Variants in ZC3HAV1 observed in about 807,000 individuals in gnomAD.
The protein encoded by ZC3HAV1 is zinc finger CCCH-type antiviral protein 1.
ZC3HAV1 carries 41 observed loss-of-function variants against 86.6 expected under a neutral mutation model. That is an observed-to-expected ratio of 0.47 (90% CI 0.37 to 0.61). ZC3HAV1 has a LOEUF of 0.61. Ranked by LOEUF, ZC3HAV1 falls within the 20% of genes least tolerant of loss-of-function variation. ZC3HAV1 has a pLI of 0.00. For missense variants in ZC3HAV1, 964 were observed against 1,141.1 expected, an observed-to-expected ratio of 0.84 and a Z score of 2.24; for synonymous variants, 421 against 432.1, an observed-to-expected ratio of 0.97 and a Z score of 0.32.
intron 2 of ZC3HAV1, among the ~76,000 whole-genome samples, chr7:139,084,873 C>A (rs1006512288): frequency 6.6e-6 from 1 of 152,188 alleles, no homozygotes; most frequent in East Asian, 1.9e-4. Context: ...TGAGTCACTT[C>A]GATAGACTCT....
intron 2 of ZC3HAV1, 109 bp downstream of exon 2, chr7:139,089,515 C>CA: frequency 7.3e-7 from 1 of 1,374,676 alleles, no homozygotes; most frequent in Non-Finnish European, 9.7e-7. Context: ...CTACCACCTG[C>CA]AGAACCCTGG....
At chr7:139,048,126 A>G (rs1462161623) in intron 12 of ZC3HAV1, among the ~76,000 whole-genome samples, 4 of 152,190 alleles carry the variant, frequency 2.6e-5, no homozygotes, top group Admixed American at 2.6e-4. Context: ...TGACCAAATG[A>G]CAATGTCACA....
At chr7:139,084,157 A>G (rs1406687469) in intron 2 of ZC3HAV1, 125 bp from the exon 3 acceptor site, 1 of 1,286,092 alleles carries the variant, frequency 7.8e-7, no homozygotes, top group African/African-American at 1.5e-5. Flanking sequence ...AGGGGGAAAA[A>G]TACATGCATA....
chr7:139,067,135 C>A (rs1022633133), intron 7 of ZC3HAV1, among the ~76,000 whole-genome samples: 3 of 150,746 alleles, frequency 2.0e-5, no homozygotes, highest in African/African-American at 7.4e-5. Flanking sequence ...GGCAAAATTT[C>A]TTTCTTTCTT....
intron 1 of ZC3HAV1, among the ~76,000 whole-genome samples, chr7:139,104,957 G>A (rs1032272488): frequency 6.7e-6 from 1 of 148,626 alleles, no homozygotes; most frequent in African/African-American, 2.5e-5. Flanking sequence ...CGCTTGAACC[G>A]GGGAGGCGGA....
intron 10 of ZC3HAV1, among the ~76,000 whole-genome samples, 199 bp downstream of exon 10, chr7:139,055,006 T>C (rs903036742): frequency 6.6e-6 from 1 of 152,126 alleles, no homozygotes; most frequent in South Asian, 2.1e-4. Context: ...TCCAGGCTGG[T>C]TTCGAACTCC....
In ZC3HAV1 at chr7:139,076,028, G is replaced by C. The variant is rs150886454; in HGVS notation, c.1697+258C>G. On this transcript the variant is annotated intron_variant, in intron 6 of 12. Transcript: ENST00000242351. ...CAACTAAACAAATAATCATGTCACT[G>C]TTTGTTTCATTTGAGTTAGCAAACA... Among the ~76,000 whole-genome samples, 241 of 152,248 alleles carry C rather than the reference G, an allele frequency of 1.6e-3. 1 individual carries two copies. Among genetic ancestry groups the C allele is most frequent in the African/African-American group, 5.3e-3 (220 of 41,550 alleles).
chr7:139,107,471 G>A (rs1461302065), intron 1 of ZC3HAV1, among the ~76,000 whole-genome samples: 1 of 152,122 alleles, frequency 6.6e-6, no homozygotes, highest in African/African-American at 2.4e-5. Flanking sequence ...GTATATTGGG[G>A]GTGAGTGACT....
chr7:139,091,954 A>G (rs970866425), intron 1 of ZC3HAV1, among the ~76,000 whole-genome samples: 6 of 152,170 alleles, frequency 3.9e-5, no homozygotes, highest in African/African-American at 1.4e-4. Flanking sequence ...GAGACGGCTA[A>G]CGCTCAAAGT....
intron 6 of ZC3HAV1, among the ~76,000 whole-genome samples, chr7:139,074,688 TAC>T (rs902929837): frequency 4.6e-5 from 7 of 151,654 alleles, no homozygotes; most frequent in Non-Finnish European, 7.4e-5. Flanking sequence ...TGTAAATAAA[TAC>T]ACACAGTTAT....
Position 139,108,421 on chromosome 7 carries a change from C to T in ZC3HAV1, c.308+603G>A, listed in dbSNP as rs1427008446. On this transcript the variant is annotated intron_variant, in intron 1 of 12. Transcript: ENST00000242351. This position sits in a 1 kb window ranked among gnomAD's most constrained non-coding sequence, Gnocchi z 4.2. ...GACCACCCGGAGGGAAGGCCCGCGGCTGCTACAACTTCAGGAACCTGGAAA... is the reference window on the plus strand; with the variant it reads ...GACCACCCGGAGGGAAGGCCCGCGGTTGCTACAACTTCAGGAACCTGGAAA... Among the ~76,000 whole-genome samples the T allele has an allele frequency of 6.6e-6, 1 of 152,016 alleles. No homozygotes were observed. Among genetic ancestry groups the T allele is most frequent in the Non-Finnish European group, 1.5e-5 (1 of 67,978 alleles).
intron 6 of ZC3HAV1, among the ~76,000 whole-genome samples, chr7:139,075,217 A>C (rs1016963316): frequency 6.6e-6 from 1 of 152,208 alleles, no homozygotes; most frequent in Admixed American, 6.5e-5. Flanking sequence ...CCTAGCAACC[A>C]GAAAGTAGCT....
intron 2 of ZC3HAV1, among the ~76,000 whole-genome samples, chr7:139,089,054 A>G (rs1187185540): frequency 1.4e-5 from 2 of 140,672 alleles, no homozygotes; most frequent in Non-Finnish European, 3.0e-5. Context: ...GTGAGCTAAG[A>G]TCGTGCCACT....
At chr7:139,052,751 G>C (rs1480098527) in intron 12 of ZC3HAV1, among the ~76,000 whole-genome samples, 1 of 141,056 alleles carries the variant, frequency 7.1e-6, no homozygotes, top group Non-Finnish European at 1.5e-5. Flanking sequence ...GCGAAACCCT[G>C]TCTCTATAAA....
intron 1 of ZC3HAV1, among the ~76,000 whole-genome samples, chr7:139,099,053 T>C (rs1817681893): frequency 6.6e-6 from 1 of 152,230 alleles, no homozygotes; most frequent in South Asian, 2.1e-4. Flanking sequence ...TGTTATCACA[T>C]GCTTCATTTG....
chr7:139,094,651 C>T (rs545922225), intron 1 of ZC3HAV1, among the ~76,000 whole-genome samples: 1 of 152,306 alleles, frequency 6.6e-6, no homozygotes, highest in African/African-American at 2.4e-5. Context: ...GCAATAAGCG[C>T]TCTCTCTCAC....
chr7:139,109,364 C>G lies in ZC3HAV1; in HGVS notation c.-33G>C. 1 of 1,529,104 alleles carries G rather than the reference C, an allele frequency of 6.5e-7. No homozygotes were observed. Among genetic ancestry groups the G allele is most frequent in the South Asian group, 1.2e-5 (1 of 80,148 alleles). 94.7% of individuals were successfully genotyped at this position (1,529,104 alleles called of 1,614,324 possible). A position where few individuals can be genotyped will look rare whatever the true frequency, so the allele number is the denominator to read the frequency against. On this transcript the variant is annotated 5_prime_UTR_variant, in exon 1 of 13. Coordinates refer to ENST00000242351, the MANE Select transcript of ZC3HAV1 (RefSeq NM_020119.4). ...TGGCTGTGCTGGCTCTGCCGCGGCG[C>G]GGGACTCGGTTCCGCGGAAATCGGA... is the stretch of plus-strand genomic sequence containing the variant.
At position 139,046,623 on chromosome 7, in the gene ZC3HAV1, GGA is replaced by G. The variant is rs1815960765; in HGVS notation, c.*969_*970del. ...CATTCCAGAGAGAGTCAACCTGGAT[GGA>G]GTTTGTCCCCTAAATAAATGTAGCG... On this transcript the variant is annotated 3_prime_UTR_variant, in exon 13 of 13. Transcript: ENST00000242351. 6.6e-6 allele frequency: 1 copy of G among 152,208 alleles called. No homozygotes were observed. The highest frequency in any genetic ancestry group is 1.5e-5 in the Non-Finnish European group (1 of 68,046). 9.4% of individuals were successfully genotyped at this position (152,208 alleles called of 1,614,324 possible). A position where few individuals can be genotyped will look rare whatever the true frequency, so the allele number is the denominator to read the frequency against.
At chr7:139,060,964 GA>G (rs1816426373) in intron 9 of ZC3HAV1, 71 bp downstream of exon 9, 9 of 1,607,666 alleles carry the variant, frequency 5.6e-6, no homozygotes, top group Non-Finnish European at 7.6e-6. Flanking sequence ...CCAGATTCAC[GA>G]GTGACTTGAT....
Sources: allele counts gnomAD v4.1 joint callset (sites outside exome capture counted in the v4.1 genomes callset), GRCh38; gene constraint gnomAD v4.1.1; non-coding constraint Gnocchi (gnomAD v3.1); transcripts MANE v1.5; gene names NCBI Gene and HGNC (gene_info 2026-07-23, HGNC 2026-07-21).